The following NEDD4 variants were observed in gnomAD, a reference collection of about 807,000 sequenced individuals.
NEDD4 encodes the protein NEDD4 E3 ubiquitin protein ligase, also known as E3 ubiquitin-protein ligase NEDD4.
In NEDD4, 99 loss-of-function variants were observed where a neutral mutation model predicts 144.9. That is an observed-to-expected ratio of 0.68 (90% CI 0.58 to 0.81). NEDD4 has a LOEUF of 0.81. Ranked by LOEUF, NEDD4 falls within the 30% of genes least tolerant of loss-of-function variation. The pLI is 0.00. For synonymous variants in NEDD4, 318 were observed against 350.6 expected, an observed-to-expected ratio of 0.91 and a Z score of 1.04; for missense variants, 985 against 1,065.9, an observed-to-expected ratio of 0.92 and a Z score of 1.06.
chr15:55,953,114 C>T (rs746266205), intron 2 of NEDD4, among the ~76,000 whole-genome samples: 7 of 151,486 alleles, frequency 4.6e-5, no homozygotes, highest in Non-Finnish European at 7.4e-5. Context: ...CTAAGCCTCC[C>T]GAGTAGCTGG....
intron 21 of NEDD4, among the ~76,000 whole-genome samples, chr15:55,839,984 AAAAAAAAAAAAAAAAATATATATATAT>A (rs1259300840): frequency 2.1e-5 from 1 of 47,792 alleles, no homozygotes; most frequent in African/African-American, 8.4e-5. Flanking sequence ...AAAAAAAAAA[AAAAAAAAAAAAAAAAATATATATATAT>A]ATATATATAT....
chr15:55,990,938 T>C (rs1302481321), intron 1 of NEDD4, among the ~76,000 whole-genome samples: 1 of 152,220 alleles, frequency 6.6e-6, no homozygotes, highest in Non-Finnish European at 1.5e-5. Context: ...GGGTGATCTC[T>C]TACTATAAGT....
At chr15:55,896,779 T>C (rs2035751197) in intron 5 of NEDD4, among the ~76,000 whole-genome samples, 1 of 152,132 alleles carries the variant, frequency 6.6e-6, no homozygotes, top group African/African-American at 2.4e-5. Context: ...AGGATAAAAT[T>C]CTATTCATGT....
chr15:55,898,862 G>A (rs1414272671), intron 5 of NEDD4, among the ~76,000 whole-genome samples: 4 of 152,028 alleles, frequency 2.6e-5, no homozygotes, highest in Admixed American at 2.6e-4. Flanking sequence ...GGCTGGTCTT[G>A]AACTCCTGGG....
intron 5 of NEDD4, among the ~76,000 whole-genome samples, chr15:55,882,040 A>T (rs764323329): frequency 8.5e-5 from 13 of 152,220 alleles, no homozygotes; most frequent in African/African-American, 1.2e-4. Context: ...GTATAAGACC[A>T]AATGTTCCAA....
At chr15:55,880,245 T>C (rs553740256) in intron 5 of NEDD4, among the ~76,000 whole-genome samples, 4 of 152,078 alleles carry the variant, frequency 2.6e-5, no homozygotes, top group East Asian at 1.9e-4. Context: ...TGAGCCGAGA[T>C]CGCACCATTG....
intron 27 of NEDD4, among the ~76,000 whole-genome samples, chr15:55,831,816 G>A (rs577799879): frequency 5.9e-5 from 9 of 152,246 alleles, no homozygotes; most frequent in African/African-American, 1.9e-4. Context: ...GTAGTCCCCA[G>A]GTCAATCCTA....
At chr15:55,928,310 C>A (rs1178055510) in intron 4 of NEDD4, among the ~76,000 whole-genome samples, 6 of 152,218 alleles carry the variant, frequency 3.9e-5, no homozygotes, top group African/African-American at 1.4e-4. Flanking sequence ...TCACGCCTGG[C>A]CTATCTTATC....
At chr15:55,852,234 G>A (rs1485783827) in intron 13 of NEDD4, among the ~76,000 whole-genome samples, 190 bp downstream of exon 13, 3 of 151,724 alleles carry the variant, frequency 2.0e-5, no homozygotes, top group Non-Finnish European at 4.4e-5. Flanking sequence ...AGGCAGAGGT[G>A]CAGTGAGCCA....
chr15:55,950,562 A>G (rs1258375909), intron 4 of NEDD4, among the ~76,000 whole-genome samples: 1 of 152,220 alleles, frequency 6.6e-6, no homozygotes, highest in African/African-American at 2.4e-5. Context: ...GTAAGATGAG[A>G]TAAGATGAAC....
chr15:55,933,402 C>T (rs376648343), intron 4 of NEDD4, among the ~76,000 whole-genome samples: 1 of 151,740 alleles, frequency 6.6e-6, no homozygotes, highest in African/African-American at 2.4e-5. Flanking sequence ...AGCTAGAAAC[C>T]ATCATTCTGA....
chr15:55,870,093 T>C (rs1415937467), intron 7 of NEDD4, among the ~76,000 whole-genome samples: 3 of 152,034 alleles, frequency 2.0e-5, no homozygotes, highest in Non-Finnish European at 2.9e-5. Context: ...TTAAGGAAAT[T>C]GCAGTAGTTG....
chr15:55,902,177 A>G (rs1323685430), intron 5 of NEDD4, among the ~76,000 whole-genome samples: 2 of 152,174 alleles, frequency 1.3e-5, no homozygotes, highest in African/African-American at 2.4e-5. Flanking sequence ...TGCATTATCA[A>G]AAGTTATCTG....
At chr15:55,861,923 T>A (rs2034424117) in intron 9 of NEDD4, among the ~76,000 whole-genome samples, 1 of 152,150 alleles carries the variant, frequency 6.6e-6, no homozygotes, top group African/African-American at 2.4e-5. Context: ...TGCTTCAGTT[T>A]TTTTCCCCCT....
At chr15:55,950,446 C>A (rs183176390) in intron 4 of NEDD4, among the ~76,000 whole-genome samples, 1 of 152,194 alleles carries the variant, frequency 6.6e-6, no homozygotes, top group Non-Finnish European at 1.5e-5. Context: ...TACAGAAGAA[C>A]GGCTTCTGTT....
chr15:55,978,097 A>G (rs1394082445), intron 1 of NEDD4, among the ~76,000 whole-genome samples: 1 of 152,218 alleles, frequency 6.6e-6, no homozygotes, highest in Non-Finnish European at 1.5e-5. Context: ...AAGTTAATCC[A>G]TATTTGTGGA....
chr15:55,923,984 G>A (rs74930558), intron 5 of NEDD4, among the ~76,000 whole-genome samples: 21,663 of 152,078 alleles, frequency 0.14, 2,049 homozygotes, highest in Non-Finnish European at 0.21. Context: ...ATAGATGTAA[G>A]ATGCTAAGAT....
At chr15:55,910,154 C>T (rs2036226215) in intron 5 of NEDD4, among the ~76,000 whole-genome samples, 1 of 152,210 alleles carries the variant, frequency 6.6e-6, no homozygotes, top group Non-Finnish European at 1.5e-5. Context: ...ATCCACTTCA[C>T]ATATGCCTTC....
intron 7 of NEDD4, among the ~76,000 whole-genome samples, chr15:55,870,674 C>A (rs1217236592): frequency 6.6e-6 from 1 of 151,890 alleles, no homozygotes; most frequent in Non-Finnish European, 1.5e-5. Context: ...ACTGGGACTA[C>A]AGGCACACAC....
Sources: allele counts gnomAD v4.1 joint callset (sites outside exome capture counted in the v4.1 genomes callset), GRCh38; gene constraint gnomAD v4.1.1; transcripts MANE v1.5; gene names NCBI Gene and HGNC (gene_info 2026-07-23, HGNC 2026-07-21).